The following DHCR7 variants were observed in gnomAD, a reference collection of about 807,000 sequenced individuals.
DHCR7 encodes the protein 7-dehydrocholesterol reductase.
DHCR7 carries 40 observed loss-of-function variants against 43.3 expected under a neutral mutation model. The observed-to-expected ratio is 0.92, with a 90% CI of 0.72 to 1.20. The LOEUF (loss-of-function observed/expected upper bound fraction) is 1.20, where lower values mean the gene tolerates loss of function less well. Among genes scored for constraint, DHCR7 ranks in the 50% most tolerant of loss-of-function variants. The pLI, the probability that DHCR7 is intolerant of heterozygous loss-of-function variation, is 0.00. For synonymous variants in DHCR7, 298 were observed against 271.4 expected, an observed-to-expected ratio of 1.10 and a Z score of -0.96; for missense variants, 608 against 644.6, an observed-to-expected ratio of 0.94 and a Z score of 0.62.
At chr11:71,444,391 T>C (rs925870179) in intron 3 of DHCR7, 176 bp from the exon 4 acceptor site, 2 of 637,488 alleles carry the variant, frequency 3.1e-6, no homozygotes, top group African/African-American at 3.6e-5. Flanking sequence ...TCAACATGCC[T>C]GCTCTACTGT....
At chr11:71,432,173 A>G (rs975736993), downstream of DHCR7, among the ~76,000 whole-genome samples, 6 of 152,224 alleles carry the variant, frequency 3.9e-5, no homozygotes, top group African/African-American at 7.2e-5. Context: ...TTATTGAAAC[A>G]TATTCCTCCT....
At chr11:71,428,626 T>C in exon 3 of DHCR7, 2 of 329,810 alleles carry the variant, frequency 6.1e-6, no homozygotes, top group Non-Finnish European at 1.2e-5. Flanking sequence ...GTGGGATGTG[T>C]GGGCATAGGA....
downstream of DHCR7, among the ~76,000 whole-genome samples, chr11:71,427,658 TA>T (rs1363662184): frequency 4.6e-5 from 7 of 152,220 alleles, no homozygotes; most frequent in East Asian, 9.7e-4. Context: ...AGGGAAAGGA[TA>T]AAAGTCAAAA....
intron 3 of DHCR7, 153 bp from the exon 4 acceptor site, chr11:71,444,368 C>A: frequency 1.5e-6 from 1 of 673,828 alleles, no homozygotes; most frequent in Non-Finnish European, 2.7e-6. Context: ...CTCCTTGCGG[C>A]CAGGGAAGCC....
Position 71,435,786 on chromosome 11 carries a change from G to C in DHCR7, c.1017C>G (p.Gly339=). 3 of 1,608,556 alleles carry C rather than the reference G, an allele frequency of 1.9e-6. No individual in the cohort carries two copies. Among genetic ancestry groups the C allele is most frequent in the Non-Finnish European group, 2.5e-6 (3 of 1,176,534 alleles). Residue 339 remains glycine (G), a synonymous_variant, in exon 9 of 9, where the codon GGC becomes GGG. Coordinates refer to ENST00000355527, the MANE Select transcript of DHCR7 (RefSeq NM_001360.3). The stretch of plus-strand genomic sequence containing the variant: ...AGCCCACCAGGCCCAGCAGCAGGAC[G>C]CCCACGGCGTGCGGGGTGGACAGCT... ...PVQLSTPHAV[G]VLLLGLVGYY...
In DHCR7 at chr11:71,441,444, C is replaced by A; in HGVS notation, c.413-4G>T. 1 of 1,608,848 alleles carries A rather than the reference C, an allele frequency of 6.2e-7. No homozygotes were observed. On this transcript the variant is annotated splice_polypyrimidine_tract_variant and splice_region_variant and intron_variant, in intron 5 of 8. Transcript: ENST00000355527. ...ATCTGATACTTGTTCACAACCCCTGCAGATGAAGGATTCAGAAATGAAGGC... is the reference window on the plus strand; with the variant it reads ...ATCTGATACTTGTTCACAACCCCTGAAGATGAAGGATTCAGAAATGAAGGC...
downstream of DHCR7, among the ~76,000 whole-genome samples, chr11:71,431,881 G>A (rs1468892594): frequency 1.3e-5 from 2 of 152,182 alleles, no homozygotes; most frequent in African/African-American, 2.4e-5. Context: ...GGAGTGCAAT[G>A]GCACAATCAC....
intron 7 of DHCR7, 45 bp downstream of exon 7, chr11:71,438,834 G>A: frequency 6.3e-7 from 1 of 1,598,300 alleles, no homozygotes; most frequent in Non-Finnish European, 8.6e-7. Context: ...TTCCCCCAGA[G>A]CCTGCCGGCA....
At chr11:71,447,443 AC>A (rs1949416703) in intron 2 of DHCR7, among the ~76,000 whole-genome samples, 166 bp downstream of exon 2, 1 of 152,170 alleles carries the variant, frequency 6.6e-6, no homozygotes, top group South Asian at 2.1e-4. Flanking sequence ...TTCCCAATAG[AC>A]GGCTGGGAAC....
Position 71,444,107 on chromosome 11 carries a change from A to ATG in DHCR7, c.206_207insCA (p.Gly70MetfsTer24). ...CGGTGACGATGTCCACCACAGGGCC[A>ATG]GTCAGGGCGCAGCTGTACTGGTCAC... On this transcript the variant is annotated frameshift_variant, in exon 4 of 9. Transcript: ENST00000355527. LOFTEE classifies it high-confidence loss of function. 3 of 1,612,384 alleles carry ATG rather than the reference A, an allele frequency of 1.9e-6. No homozygotes were observed. Among genetic ancestry groups the ATG allele is most frequent in the Non-Finnish European group, 1.7e-6 (2 of 1,179,378 alleles).
chr11:71,442,189 C>A (rs762060940), intron 5 of DHCR7, 74 bp downstream of exon 5: 6 of 1,127,176 alleles, frequency 5.3e-6, no homozygotes, highest in Non-Finnish European at 8.0e-6. Flanking sequence ...GACAAAGCAG[C>A]GCTGGGGAGG....
rs774275482 is a variant in DHCR7 at position 71,438,889 on chromosome 11, T to C, written c.821A>G (p.Asn274Ser). 1.2e-6 allele frequency: 2 copies of C among 1,613,670 alleles called. No individual in the cohort carries two copies. Among genetic ancestry groups the C allele is most frequent in the Middle Eastern group, 1.6e-4 (1 of 6,078 alleles). Reference sequence around the variant, plus strand: ...AGCCATGACAGGCACCTGCAGGACGTTGACCAGGACCATGGCATTGGTCAC... The same window carrying C: ...AGCCATGACAGGCACCTGCAGGACGCTGACCAGGACCATGGCATTGGTCAC... The part of the protein sequence containing the change: ...SHVTNAMVLV[N>S]VLQAIYVIDF... Residue 274 changes from asparagine to serine, a missense_variant, in exon 7 of 9, where the codon AAC becomes AGC. Asn to Ser is a conservative substitution (Grantham distance 46). Transcript: ENST00000355527.
At chr11:71,437,350 C>T (rs1245250915) in intron 8 of DHCR7, among the ~76,000 whole-genome samples, 2 of 152,186 alleles carry the variant, frequency 1.3e-5, no homozygotes, top group Admixed American at 6.5e-5. Flanking sequence ...CAAGCAGCCA[C>T]CTTACCTGGG....
At chr11:71,444,617 G>A (rs1447960990) in intron 3 of DHCR7, among the ~76,000 whole-genome samples, 1 of 152,040 alleles carries the variant, frequency 6.6e-6, no homozygotes, top group Non-Finnish European at 1.5e-5. Flanking sequence ...GGCCCCAGCT[G>A]CCCTTTAAGC....
intron 7 of DHCR7, 133 bp downstream of exon 7, chr11:71,438,746 G>A: frequency 1.0e-6 from 1 of 963,222 alleles, no homozygotes; most frequent in Non-Finnish European, 1.6e-6. Flanking sequence ...CTGCTTCCTG[G>A]TGACACCTGG....
At chr11:71,441,788 T>C (rs1949350946) in intron 5 of DHCR7, among the ~76,000 whole-genome samples, 1 of 152,118 alleles carries the variant, frequency 6.6e-6, no homozygotes, top group Non-Finnish European at 1.5e-5. Context: ...CTGTAATTGT[T>C]GGGGAGCACC....
At chr11:71,448,125 C>G (rs1397776474) in intron 1 of DHCR7, 165 bp downstream of exon 1, 1 of 152,960 alleles carries the variant, frequency 6.5e-6, no homozygotes, top group East Asian at 1.9e-4. Flanking sequence ...CCCGGAGCCC[C>G]AGCGGCCCCT....
rs775716882 is a variant in DHCR7, at chr11:71,437,989, C to T, written c.832-46G>A. 2.7e-5 allele frequency: 44 copies of T among 1,605,300 alleles called. No homozygotes were observed. In the South Asian group the frequency reaches 4.7e-4, roughly 17 times the overall value. ...CTGACCACCCCCGGCCCTCCTGGGGCCCCCATGGACCTCGGGGAAATCACA... is the reference window on the plus strand; with the variant it reads ...CTGACCACCCCCGGCCCTCCTGGGGTCCCCATGGACCTCGGGGAAATCACA... On this transcript the variant is annotated intron_variant, in intron 7 of 8. Transcript: ENST00000355527.
At chr11:71,443,874 G>T in intron 4 of DHCR7, 119 bp downstream of exon 4, 1 of 776,754 alleles carries the variant, frequency 1.3e-6, no homozygotes. Flanking sequence ...GCTGGGTCCC[G>T]GGAACCCAGA....
Sources: allele counts gnomAD v4.1 joint callset (sites outside exome capture counted in the v4.1 genomes callset), GRCh38; gene constraint gnomAD v4.1.1; transcripts MANE v1.5; gene names NCBI Gene and HGNC (gene_info 2026-07-23, HGNC 2026-07-21).